CEP85L: variants seen among roughly 807,000 people sequenced by gnomAD.
The protein encoded by CEP85L is centrosomal protein 85L.
A neutral mutation model predicts 100.3 loss-of-function variants in CEP85L; 60 were observed. The ratio of observed to expected loss-of-function variants is 0.60; its 90% CI spans 0.49 to 0.74. The LOEUF (loss-of-function observed/expected upper bound fraction) is 0.74. Among genes scored for constraint, CEP85L ranks in the 30% least tolerant of loss-of-function variants. The pLI is 0.00. For missense variants in CEP85L, 973 were observed against 936.2 expected (o/e 1.04, Z -0.51); for synonymous variants, 319 against 322.7 (o/e 0.99, Z 0.12).
intron 2 of CEP85L, among the ~76,000 whole-genome samples, chr6:118,613,368 T>C (rs534461351): frequency 6.6e-6 from 1 of 152,276 alleles, no homozygotes; most frequent in South Asian, 2.1e-4. Flanking sequence ...AAAAAACAAA[T>C]GCAACGCATC....
At chr6:118,682,897 A>G (rs1433834578) in intron 1 of CEP85L, among the ~76,000 whole-genome samples, 1 of 152,056 alleles carries the variant, frequency 6.6e-6, no homozygotes, top group Non-Finnish European at 1.5e-5. Flanking sequence ...ATGTGTCTAG[A>G]GCTTGGATCT....
intron 12 of CEP85L, among the ~76,000 whole-genome samples, chr6:118,465,873 C>T (rs1772479589): frequency 6.6e-6 from 1 of 152,168 alleles, no homozygotes; most frequent in African/African-American, 2.4e-5. Flanking sequence ...TCTCTTCAAG[C>T]TCAACTAGAG....
chr6:118,467,586 G>C (rs532827595), intron 12 of CEP85L, among the ~76,000 whole-genome samples: 46 of 152,260 alleles, frequency 3.0e-4, no homozygotes, highest in Non-Finnish European at 5.7e-4. Context: ...GGAGTATTGG[G>C]AGGTGGGCGT....
chr6:118,605,247 T>C (rs961227968), intron 2 of CEP85L, among the ~76,000 whole-genome samples: 2 of 152,192 alleles, frequency 1.3e-5, no homozygotes, highest in Admixed American at 6.5e-5. Flanking sequence ...AGTACAGTGC[T>C]TCTACTCTGC....
chr6:118,566,148 C>T lies in CEP85L; in HGVS notation c.401G>A (p.Gly134Glu). ...KWSTSLMQTL[G>E]NHSRGEQDSS... Reference sequence around the variant, plus strand: ...GTCCTGCTCCCCCCTACTGTGGTTTCCCAATGTTTGCATGAGGCTTGTACT... The same window carrying T: ...GTCCTGCTCCCCCCTACTGTGGTTTTCCAATGTTTGCATGAGGCTTGTACT... Residue 134 changes from glycine to glutamate, a missense_variant, in exon 3 of 13, where the codon GGA (glycine) becomes GAA (glutamate). Physicochemically the swap from Gly to Glu is moderately conservative, Grantham distance 98. This residue lies in a region of CEP85L where 890 missense variants were observed against 844.5 expected (regional missense o/e 1.05). Transcript: ENST00000368491. 1 of 1,614,154 alleles carries T rather than the reference C, an allele frequency of 6.2e-7. No individual in the cohort carries two copies. The highest frequency in any genetic ancestry group is 8.5e-7 in the Non-Finnish European group (1 of 1,180,024).
At chr6:118,515,936 T>G (rs1352101868) in intron 4 of CEP85L, among the ~76,000 whole-genome samples, 1 of 152,120 alleles carries the variant, frequency 6.6e-6, no homozygotes, top group East Asian at 1.9e-4. Flanking sequence ...TGTGTGATAT[T>G]CCTCTCCCTG....
intron 3 of CEP85L, among the ~76,000 whole-genome samples, chr6:118,556,486 A>G (rs1778883750): frequency 6.6e-6 from 1 of 152,138 alleles, no homozygotes; most frequent in Non-Finnish European, 1.5e-5. Flanking sequence ...CATAAACCAT[A>G]TGGTTTCTTT....
chr6:118,537,511 T>C, intron 3 of CEP85L: 2 of 984,996 alleles, frequency 2.0e-6, no homozygotes, highest in Non-Finnish European at 1.2e-6. Context: ...ACCCAGAAAA[T>C]ATACATAGGT....
rs371462128 is a variant in CEP85L at position 118,565,895 on chromosome 6, T to C, written c.654A>G (p.Ile218Met). 1 of 1,614,032 alleles carries C rather than the reference T, an allele frequency of 6.2e-7. No homozygotes were observed. The highest frequency in any genetic ancestry group is 8.5e-7 in the Non-Finnish European group (1 of 1,180,044). ...CCAGAGTTGATGACCGTTTTTTATT[T>C]ATTTCCTTGTCCTCTAACCTAAGCA... ...MEMLRLEDKEINKKRSSTLDC... is the reference protein window; with the variant it reads ...MEMLRLEDKEMNKKRSSTLDC... Residue 218 changes from isoleucine (I) to methionine (M), a missense_variant, in exon 3 of 13, where the codon ATA becomes ATG. Transcript: ENST00000368491.
intron 2 of CEP85L, among the ~76,000 whole-genome samples, chr6:118,615,439 A>G (rs1188501611): frequency 7.2e-5 from 1 of 13,832 alleles, no homozygotes; most frequent in Non-Finnish European, 2.4e-4. Context: ...AGTAAATGGG[A>G]AAAAAAAAAA....
At chr6:118,523,478 C>T (rs1776781772) in intron 4 of CEP85L, among the ~76,000 whole-genome samples, 1 of 152,212 alleles carries the variant, frequency 6.6e-6, no homozygotes, top group African/African-American at 2.4e-5. Flanking sequence ...AGGGTTAAAA[C>T]ACGAAGACAT....
intron 3 of CEP85L, among the ~76,000 whole-genome samples, chr6:118,532,350 A>G (rs995621982): frequency 3.3e-5 from 5 of 152,030 alleles, no homozygotes; most frequent in Non-Finnish European, 7.4e-5. Flanking sequence ...ACCAGGGCCT[A>G]CTTGATGAGG....
chr6:118,520,098 T>C (rs1776569823), intron 4 of CEP85L, among the ~76,000 whole-genome samples: 2 of 152,152 alleles, frequency 1.3e-5, no homozygotes, highest in South Asian at 2.1e-4. Flanking sequence ...TCACACTTAA[T>C]GGTGAAAGGC....
intron 1 of CEP85L, among the ~76,000 whole-genome samples, chr6:118,641,523 A>C (rs993286907): frequency 6.6e-6 from 1 of 152,228 alleles, no homozygotes; most frequent in Non-Finnish European, 1.5e-5. Context: ...TGTTACATAT[A>C]TATAACATAA....
chr6:118,471,627 T>C (rs1050039703), intron 10 of CEP85L, among the ~76,000 whole-genome samples: 3 of 152,032 alleles, frequency 2.0e-5, no homozygotes, highest in Non-Finnish European at 4.4e-5. Context: ...CTCAAACTTG[T>C]TGCTTTTAAA....
chr6:118,528,653 T>C (rs1007685186), intron 3 of CEP85L, among the ~76,000 whole-genome samples: 9 of 152,176 alleles, frequency 5.9e-5, no homozygotes, highest in Non-Finnish European at 1.3e-4. Flanking sequence ...ACGCTGTAGG[T>C]TGACTTAAAA....
intron 1 of CEP85L, among the ~76,000 whole-genome samples, chr6:118,644,348 G>A (rs1053690717): frequency 1.3e-5 from 2 of 151,790 alleles, no homozygotes; most frequent in African/African-American, 4.8e-5. Context: ...TAGTGTCCCA[G>A]GGCTTAGTCC....
chr6:118,461,845 A>G lies in CEP85L; in HGVS notation c.*3560T>C, dbSNP rs1468468628. 3 of 152,102 alleles carry G rather than the reference A, an allele frequency of 2.0e-5. No homozygotes were observed. 9.4% of individuals were successfully genotyped at this position (152,102 alleles called of 1,614,324 possible). A position where few individuals can be genotyped will look rare whatever the true frequency, so the allele number is the denominator to read the frequency against. On this transcript the variant is annotated 3_prime_UTR_variant, in exon 13 of 13. Coordinates refer to ENST00000368491, the MANE Select transcript of CEP85L (RefSeq NM_001042475.3). The stretch of plus-strand genomic sequence containing the variant: ...ATGAAAATTGCTTATTACCATAATT[A>G]CATATCTACAATGATATAATTCCTA...
chr6:118,685,879 G>A (rs1776812551), intron 1 of CEP85L, among the ~76,000 whole-genome samples: 1 of 152,168 alleles, frequency 6.6e-6, no homozygotes, highest in South Asian at 2.1e-4. Context: ...AAAGTGAGAC[G>A]AAAAAGTGCA....
Sources: gnomAD v4.1 joint callset for allele counts (sites outside exome capture counted in the v4.1 genomes callset) on GRCh38, gnomAD v4.1.1 for gene constraint, gnomAD v4.1.1 regional missense constraint, MANE v1.5 for transcripts, NCBI Gene and HGNC (gene_info 2026-07-23, HGNC 2026-07-21) for gene names.